YTHDC2: variants seen among roughly 807,000 people sequenced by gnomAD.
YTHDC2 encodes YTH N6-methyladenosine RNA binding protein C2, also known as 3'-5' RNA helicase YTHDC2.
In YTHDC2, 45 loss-of-function variants were observed where a neutral mutation model predicts 174.9. The ratio of observed to expected loss-of-function variants is 0.26; its 90% CI spans 0.20 to 0.33. YTHDC2 has a LOEUF of 0.33. Among genes scored for constraint, YTHDC2 ranks in the 10% least tolerant of loss-of-function variants. The pLI, the probability that YTHDC2 is intolerant of heterozygous loss-of-function variation, is 1.00. For synonymous variants in YTHDC2, 657 were observed against 574.5 expected, an observed-to-expected ratio of 1.14 and a Z score of -2.05; for missense variants, 1,650 against 1,723.7, an observed-to-expected ratio of 0.96 and a Z score of 0.76.
chr5:113,565,270 T>TA (rs1217397241), intron 20 of YTHDC2, among the ~76,000 whole-genome samples: 2 of 151,910 alleles, frequency 1.3e-5, no homozygotes, highest in African/African-American at 4.9e-5. Flanking sequence ...GTATATTAAA[T>TA]ACCATATATT....
At chr5:113,546,039 C>CCTCATTATTGATTTTTTGAAAAATAAT (rs546478622) in intron 10 of YTHDC2, among the ~76,000 whole-genome samples, 33,555 of 104,612 alleles carry the variant, frequency 0.32, 7,079 homozygotes, top group African/African-American at 0.6. Flanking sequence ...CGCGCCCGGC[C>CCTCATTATTGATTTTTTGAAAAATAAT]TGATCTCCAT....
rs77772985 is a variant in YTHDC2 at position 113,537,561 on chromosome 5, G to A, written c.1103-1513G>A. 6.9e-3 allele frequency among the ~76,000 whole-genome samples: 983 copies of A among 143,368 alleles called. 8 individuals are homozygous for A. The highest frequency in any genetic ancestry group is 0.024 in the African/African-American group (915 of 38,778). 94.1% of individuals were successfully genotyped at this position (143,368 alleles called of 152,430 possible). A position where few individuals can be genotyped will look rare whatever the true frequency, so the allele number is the denominator to read the frequency against. ...CGTTTCCTTTTTTTTTTTTCTGTTCGTTCCGTCTTCCTTCCTTCCTTTCCC... is the reference window on the plus strand; with the variant it reads ...CGTTTCCTTTTTTTTTTTTCTGTTCATTCCGTCTTCCTTCCTTCCTTTCCC... On this transcript the variant is annotated intron_variant, in intron 7 of 29. Coordinates refer to ENST00000161863, the MANE Select transcript of YTHDC2 (RefSeq NM_022828.5).
At chr5:113,518,600 T>C (rs1773651473) in intron 2 of YTHDC2, among the ~76,000 whole-genome samples, 1 of 140,102 alleles carries the variant, frequency 7.1e-6, no homozygotes, top group African/African-American at 2.7e-5. Flanking sequence ...TGTGTGTGTG[T>C]ATCTGTAGGT....
At chr5:113,524,692 C>G (rs1037505770) in intron 2 of YTHDC2, among the ~76,000 whole-genome samples, 6 of 152,142 alleles carry the variant, frequency 3.9e-5, no homozygotes, top group Admixed American at 6.5e-5. Context: ...GATGTTTCAT[C>G]TACCATGAAG....
chr5:113,519,360 C>T (rs372527116), intron 2 of YTHDC2, among the ~76,000 whole-genome samples: 1 of 152,074 alleles, frequency 6.6e-6, no homozygotes, highest in Non-Finnish European at 1.5e-5. Flanking sequence ...TTTAAAGTCA[C>T]GCTGAGGTCA....
At chr5:113,582,219 C>G (rs1778443006) in intron 25 of YTHDC2, 1 of 152,060 alleles carries the variant, frequency 6.6e-6, no homozygotes, top group South Asian at 2.1e-4. Flanking sequence ...TAGAAGTGTA[C>G]AAAACAGGTA....
intron 26 of YTHDC2, among the ~76,000 whole-genome samples, chr5:113,585,411 T>G (rs1329908306): frequency 6.6e-6 from 1 of 152,146 alleles, no homozygotes; most frequent in East Asian, 1.9e-4. Context: ...CTTTGTTAAA[T>G]AAGAGGAAAA....
chr5:113,571,880 C>A (rs769454230), intron 23 of YTHDC2, among the ~76,000 whole-genome samples: 1 of 152,216 alleles, frequency 6.6e-6, no homozygotes, highest in Admixed American at 6.5e-5. Flanking sequence ...CTTTATTAAT[C>A]TAGCTAGCAG....
intron 21 of YTHDC2, among the ~76,000 whole-genome samples, 181 bp from the exon 22 acceptor site, chr5:113,566,911 A>G (rs1485130107): frequency 1.3e-5 from 2 of 152,142 alleles, no homozygotes; most frequent in Non-Finnish European, 2.9e-5. Context: ...TTGGTTCTGT[A>G]TCTGTTTTAG....
chr5:113,522,954 A>T (rs555042138), intron 2 of YTHDC2, among the ~76,000 whole-genome samples: 4 of 152,260 alleles, frequency 2.6e-5, no homozygotes, highest in Non-Finnish European at 5.9e-5. Flanking sequence ...ATGGCTAAGT[A>T]GTCCCACCTG....
At chr5:113,545,448 A>G (rs13180262) in intron 10 of YTHDC2, among the ~76,000 whole-genome samples, 19,725 of 151,854 alleles carry the variant, frequency 0.13, 1,524 homozygotes, top group African/African-American at 0.19. Context: ...CAGTGGTGCT[A>G]TTGTGGCTCA....
At chr5:113,540,733 G>A (rs1775399239) in intron 8 of YTHDC2, among the ~76,000 whole-genome samples, 1 of 152,166 alleles carries the variant, frequency 6.6e-6, no homozygotes, top group Non-Finnish European at 1.5e-5. Context: ...GATGAGATGT[G>A]GGTGGAGACA....
At chr5:113,583,074 A>G (rs376214845) in intron 25 of YTHDC2, 4 of 152,308 alleles carry the variant, frequency 2.6e-5, no homozygotes, top group African/African-American at 9.6e-5. Flanking sequence ...CCAGCCTATG[A>G]AAAGTTCTGT....
intron 26 of YTHDC2, among the ~76,000 whole-genome samples, chr5:113,590,002 G>A (rs564615121): frequency 3.3e-5 from 5 of 152,300 alleles, no homozygotes; most frequent in African/African-American, 1.2e-4. Context: ...ATGCACATGA[G>A]AAACGGGTTC....
intron 6 of YTHDC2, 147 bp from the exon 7 acceptor site, chr5:113,535,495 C>A: frequency 1.5e-6 from 1 of 688,736 alleles, no homozygotes; most frequent in Non-Finnish European, 2.2e-6. Context: ...TCTGAAATTC[C>A]TGTAATACAA....
chr5:113,519,548 G>C (rs552849695), intron 2 of YTHDC2, among the ~76,000 whole-genome samples: 1 of 152,296 alleles, frequency 6.6e-6, no homozygotes, highest in South Asian at 2.1e-4. Flanking sequence ...GATTTTCCAA[G>C]TACAAGTTTC....
rs542618422 is a variant in YTHDC2, at chr5:113,555,264, A to G, written c.2134-788A>G. On this transcript the variant is annotated intron_variant, in intron 16 of 29. Coordinates refer to ENST00000161863, the MANE Select transcript of YTHDC2 (RefSeq NM_022828.5). ...AGTGTCAAAAGTTATTTAACATACA[A>G]AATTGACAAATGTAATGTCATATTA... is the stretch of plus-strand genomic sequence containing the variant. Among the ~76,000 whole-genome samples the G allele has an allele frequency of 1.4e-4, 21 of 152,218 alleles. 1 individual carries two copies. In the South Asian group the frequency reaches 4.1e-3, roughly 30 times the overall value.
intron 2 of YTHDC2, among the ~76,000 whole-genome samples, chr5:113,516,439 A>G (rs959110745): frequency 2.0e-5 from 3 of 152,214 alleles, no homozygotes; most frequent in African/African-American, 7.2e-5. Flanking sequence ...CTGTGGCGCT[A>G]TTTCATTTTG....
intron 23 of YTHDC2, among the ~76,000 whole-genome samples, chr5:113,578,392 G>GTTTTGTTTTGT (rs1554101844): frequency 6.8e-6 from 1 of 148,092 alleles, no homozygotes. Context: ...GTTTTGTTTT[G>GTTTTGTTTTGT]TTTTTTTGTG....
Sources: allele counts gnomAD v4.1 joint callset (sites outside exome capture counted in the v4.1 genomes callset), GRCh38; gene constraint gnomAD v4.1.1; transcripts MANE v1.5; gene names NCBI Gene and HGNC (gene_info 2026-07-23, HGNC 2026-07-21).